The following SIRT2 variants were observed in gnomAD, a reference collection of about 807,000 sequenced individuals.
SIRT2 encodes NAD-dependent protein deacetylase sirtuin-2.
In SIRT2, 40 loss-of-function variants were observed where a neutral mutation model predicts 57.4. The observed-to-expected ratio is 0.70, with a 90% CI of 0.54 to 0.91. The LOEUF (loss-of-function observed/expected upper bound fraction) is 0.91, where lower values mean the gene tolerates loss of function less well. Among genes scored for constraint, SIRT2 ranks in the 40% least tolerant of loss-of-function variants. The probability of loss-of-function intolerance (pLI) is 0.00; values close to 1 mark genes in which losing one functional copy is unlikely to be tolerated. For missense variants in SIRT2, 439 were observed against 510.4 expected, an observed-to-expected ratio of 0.86 and a Z score of 1.35; for synonymous variants, 161 against 195.7, an observed-to-expected ratio of 0.82 and a Z score of 1.48.
chr19:38,897,250 C>G (rs1973745504), intron 2 of SIRT2, among the ~76,000 whole-genome samples: 1 of 152,204 alleles, frequency 6.6e-6, no homozygotes, highest in East Asian at 1.9e-4. Flanking sequence ...ACGACTATAA[C>G]AAGCTGACCA....
chr19:38,898,472 G>A, intron 1 of SIRT2, 47 bp from the exon 2 acceptor site: 2 of 1,337,614 alleles, frequency 1.5e-6, no homozygotes, highest in South Asian at 1.6e-5. Flanking sequence ...AACGATTAAG[G>A]GGGGAATAAA....
chr19:38,887,536 G>A (rs980782529), intron 8 of SIRT2, among the ~76,000 whole-genome samples: 3 of 152,008 alleles, frequency 2.0e-5, no homozygotes, highest in African/African-American at 7.2e-5. Context: ...AAAGTGTGGG[G>A]ATCACAGGAC....
intron 2 of SIRT2, among the ~76,000 whole-genome samples, chr19:38,895,801 G>A (rs959719973): frequency 3.3e-5 from 5 of 152,130 alleles, no homozygotes; most frequent in African/African-American, 4.8e-5. Context: ...GGCTGAGCAC[G>A]GTGGCTCACG....
At chr19:38,892,019 A>G (rs1973555220) in intron 4 of SIRT2, 2 of 428,396 alleles carry the variant, frequency 4.7e-6, no homozygotes, top group South Asian at 1.7e-5. Flanking sequence ...CTGCTCAGGA[A>G]CCACAAAGGG....
chr19:38,892,017 G>A, intron 4 of SIRT2: 1 of 429,706 alleles, frequency 2.3e-6, no homozygotes, highest in Non-Finnish European at 4.9e-6. Context: ...GGCTGCTCAG[G>A]AACCACAAAG....
In SIRT2 at chr19:38,898,398, C is replaced by T; in HGVS notation, c.44G>A (p.Gly15Glu). ...DPSHPLETQA[G>E]KVQEAQDSDS... ...TCTCACCTGAGCCTCCTGCACCTTC[C>T]CTGCCTGGGTCTCCAGAGGGTGAGA... The change falls in exon 2 of 16, where the codon GGG becomes GAG. Residue 15 changes from glycine to glutamate, a missense_variant. Coordinates refer to ENST00000249396, the MANE Select transcript of SIRT2 (RefSeq NM_012237.4). 1 of 1,555,436 alleles carries T rather than the reference C, an allele frequency of 6.4e-7. No homozygotes were observed.
At chr19:38,890,638 C>T (rs560067212) in intron 4 of SIRT2, 32 of 168,338 alleles carry the variant, frequency 1.9e-4, no homozygotes, top group Non-Finnish European at 3.2e-4. Context: ...TGCAGTGAGC[C>T]GAGATCATGC....
chr19:38,894,207 C>A, intron 2 of SIRT2: 1 of 305,496 alleles, frequency 3.3e-6, no homozygotes, highest in East Asian at 7.5e-5. Context: ...AGGGATCCTC[C>A]CACCTCAGCC....
At chr19:38,883,791 G>T (rs925085354) in intron 8 of SIRT2, 35 bp from the exon 9 acceptor site, 2 of 1,610,654 alleles carry the variant, frequency 1.2e-6, no homozygotes, top group African/African-American at 2.7e-5. Flanking sequence ...GGGGTGAGGA[G>T]TGAGCCACCC....
In SIRT2 at chr19:38,891,479, G is replaced by A. The variant is rs564706245; in HGVS notation, c.227-1335C>T. 1.8e-3 allele frequency among the ~76,000 whole-genome samples: 271 copies of A among 152,254 alleles called. 2 individuals are homozygous for A. The highest frequency in any genetic ancestry group is 6.4e-3 in the African/African-American group (265 of 41,548). ...CAGGAGAATCGCTTGAACCCGGGAGGCAGAGGTTGCAGTGAGCCATGATAG... is the reference window on the plus strand; with the variant it reads ...CAGGAGAATCGCTTGAACCCGGGAGACAGAGGTTGCAGTGAGCCATGATAG... On this transcript the variant is annotated intron_variant, in intron 4 of 15. Coordinates refer to ENST00000249396, the MANE Select transcript of SIRT2 (RefSeq NM_012237.4).
intron 9 of SIRT2, among the ~76,000 whole-genome samples, chr19:38,883,084 T>C (rs550539049): frequency 3.3e-5 from 5 of 149,984 alleles, no homozygotes; most frequent in Non-Finnish European, 7.4e-5. Context: ...TGTTTTTTTT[T>C]TTTTTTTTTT....
intron 4 of SIRT2, 111 bp from the exon 5 acceptor site, chr19:38,890,255 G>T: frequency 9.3e-7 from 1 of 1,072,360 alleles, no homozygotes; most frequent in Non-Finnish European, 1.4e-6. Context: ...CCTGGGGCAA[G>T]CATCTCAGAT....
At chr19:38,884,589 C>T (rs1323664935) in intron 8 of SIRT2, among the ~76,000 whole-genome samples, 1 of 152,146 alleles carries the variant, frequency 6.6e-6, no homozygotes, top group Non-Finnish European at 1.5e-5. Flanking sequence ...GCTGGGATTA[C>T]AGGCACGCAC....
In SIRT2 at chr19:38,889,700, C is replaced by A; in HGVS notation, c.421G>T (p.Gly141Trp). 1 of 1,614,102 alleles carries A rather than the reference C, an allele frequency of 6.2e-7. No individual in the cohort carries two copies. The highest frequency in any genetic ancestry group is 8.5e-7 in the Non-Finnish European group (1 of 1,180,014). Residue 141 changes from glycine to tryptophan, a missense_variant, in exon 7 of 16, where the codon GGG (glycine) becomes TGG (tryptophan). Transcript: ENST00000249396. The part of the protein sequence containing the change: ...FFALAKELYP[G>W]QFKPTICHYF... Reference sequence around the variant, plus strand: ...AACAAAGATCTCACCTTGAACTGCCCAGGATAGAGTTCCTTGGCGAGGGCG... The same window carrying A: ...AACAAAGATCTCACCTTGAACTGCCAAGGATAGAGTTCCTTGGCGAGGGCG...
At chr19:38,895,070 C>G (rs1194816723) in intron 2 of SIRT2, among the ~76,000 whole-genome samples, 1 of 149,790 alleles carries the variant, frequency 6.7e-6, no homozygotes, top group Non-Finnish European at 1.5e-5. Context: ...GCCCCCGCCT[C>G]CCTCCTCGCC....
rs201755577 is a variant in SIRT2, at chr19:38,880,916, G to T, written c.748-19C>A. On this transcript the variant is annotated intron_variant, in intron 11 of 15. Coordinates refer to ENST00000249396, the MANE Select transcript of SIRT2 (RefSeq NM_012237.4). The surrounding 1 kb of genome is among the most constrained non-coding windows in gnomAD (Gnocchi z 4.1). ...GGAAGTCCTGCGGGGAGGGGCGTGAGCTTGGGAGCCTCCGCCCAGGCTGCG... is the reference window on the plus strand; with the variant it reads ...GGAAGTCCTGCGGGGAGGGGCGTGATCTTGGGAGCCTCCGCCCAGGCTGCG... The T allele has an allele frequency of 6.2e-7, 1 of 1,611,300 alleles. No homozygotes were observed. The highest frequency in any genetic ancestry group is 8.5e-7 in the Non-Finnish European group (1 of 1,178,236).
intron 13 of SIRT2, 106 bp from the exon 14 acceptor site, chr19:38,879,808 G>T: frequency 5.9e-6 from 4 of 675,342 alleles, no homozygotes; most frequent in South Asian, 2.2e-5. Context: ...CTGTGACTTT[G>T]TTTTTTTTTT....
At chr19:38,885,246 C>A (rs1268881393) in intron 8 of SIRT2, among the ~76,000 whole-genome samples, 1 of 151,270 alleles carries the variant, frequency 6.6e-6, no homozygotes, top group South Asian at 2.1e-4. Context: ...CCACCATGCC[C>A]GGCTAATTTT....
intron 9 of SIRT2, among the ~76,000 whole-genome samples, chr19:38,882,464 G>A (rs564952975): frequency 3.4e-4 from 52 of 152,050 alleles, no homozygotes; most frequent in African/African-American, 1.2e-3. Context: ...GTGAAACCCC[G>A]TCTCTACTAA....
Sources: gnomAD v4.1 joint callset for allele counts (sites outside exome capture counted in the v4.1 genomes callset) on GRCh38, gnomAD v4.1.1 for gene constraint, Gnocchi (gnomAD v3.1) non-coding constraint, MANE v1.5 for transcripts, NCBI Gene and HGNC (gene_info 2026-07-23, HGNC 2026-07-21) for gene names.